EVC: variants seen among roughly 807,000 people sequenced by gnomAD.
EVC encodes EvC ciliary complex subunit 1.
EVC carries 116 observed loss-of-function variants against 118.9 expected under a neutral mutation model. That is an observed-to-expected ratio of 0.98 (90% CI 0.84 to 1.14). EVC has a LOEUF of 1.14. EVC is among the 50% of genes most tolerant of loss of function. The pLI, the probability that EVC is intolerant of heterozygous loss-of-function variation, is 0.00. For synonymous variants in EVC, 619 were observed against 534.7 expected, an observed-to-expected ratio of 1.16 and a Z score of -2.18; for missense variants, 1,401 against 1,246.4, an observed-to-expected ratio of 1.12 and a Z score of -1.87.
chr4:5,752,818 G>A lies in EVC; in HGVS notation c.1099-18G>A, dbSNP rs766117986. ...CCCAGGACACCCCAGCTATGGTCCT[G>A]TGTGTTTCTTTTTGCAGGACGCCCT... On this transcript the variant is annotated intron_variant, in intron 8 of 20. Coordinates refer to ENST00000264956, the MANE Select transcript of EVC (RefSeq NM_153717.3). 64 of 1,613,542 alleles carry A rather than the reference G, an allele frequency of 4.0e-5. No individual in the cohort carries two copies. Among genetic ancestry groups the A allele is most frequent in the Non-Finnish European group, 4.8e-5 (57 of 1,179,542 alleles).
Position 5,753,006 on chromosome 4 carries a change from G to A in EVC, c.1269G>A (p.Thr423=), listed in dbSNP as rs551881521. The part of the protein sequence containing the change: ...LSGRQKEELL[T]QQHKAFWQEA... ...GGCGGCAGAAGGAGGAGCTGCTCAC[G>A]CAGCAGCACAAGGCCTTCTGGCAGG... Residue 423 remains threonine (T), a synonymous_variant, in exon 9 of 21, where the codon ACG becomes ACA. Transcript: ENST00000264956. 433 of 1,612,210 alleles carry A rather than the reference G, an allele frequency of 2.7e-4. 3 individuals are homozygous for A. In the South Asian group the frequency reaches 3.9e-3, roughly 14 times the overall value.
At chr4:5,717,861 G>C (rs549790341) in intron 1 of EVC, among the ~76,000 whole-genome samples, 1 of 152,306 alleles carries the variant, frequency 6.6e-6, no homozygotes, top group African/African-American at 2.4e-5. Flanking sequence ...TCCCTGAATT[G>C]CTATGTATTT....
chr4:5,791,218 T>G (rs1712721982), intron 12 of EVC, among the ~76,000 whole-genome samples: 1 of 152,122 alleles, frequency 6.6e-6, no homozygotes, highest in Non-Finnish European at 1.5e-5. Flanking sequence ...TGTGAGAAGG[T>G]GGTCCTGGAA....
chr4:5,735,837 G>A (rs764653199), intron 5 of EVC, among the ~76,000 whole-genome samples: 4 of 152,160 alleles, frequency 2.6e-5, no homozygotes, highest in African/African-American at 7.2e-5. Flanking sequence ...GATTGGCACC[G>A]CCCTGAAAGA....
chr4:5,793,681 G>T lies in EVC; in HGVS notation c.1850G>T (p.Arg617Leu), dbSNP rs771110251. 3 of 1,552,004 alleles carry T rather than the reference G, an allele frequency of 1.9e-6. 1 individual carries two copies. Among genetic ancestry groups the T allele is most frequent in the Non-Finnish European group, 2.6e-6 (3 of 1,147,776 alleles). ...HLREDHEGTI[R>L]GVLGRLGGLT... ...CGGGAGGACCACGAGGGCACCATCC[G>T]CGGCGTCTTGGGCCGACTGGGCGGC... The change falls in exon 13 of 21, where the codon CGC becomes CTC. Residue 617 changes from arginine to leucine, a missense_variant. Physicochemically the swap from Arg to Leu is moderately radical, Grantham distance 102. Transcript: ENST00000264956.
chr4:5,809,990 T>A (rs943113158), intron 19 of EVC, among the ~76,000 whole-genome samples: 13 of 152,134 alleles, frequency 8.5e-5, no homozygotes, highest in Non-Finnish European at 1.9e-4. Context: ...AACACAGAGA[T>A]CTACTGAAAC....
chr4:5,770,653 G>A (rs931589712), intron 11 of EVC, among the ~76,000 whole-genome samples: 8 of 152,136 alleles, frequency 5.3e-5, no homozygotes, highest in African/African-American at 1.9e-4. Context: ...TGTGTCCAGG[G>A]CATAACCCAC....
chr4:5,825,935 C>A, the EVC span: 1 of 482,202 alleles, frequency 2.1e-6, no homozygotes, highest in Non-Finnish European at 3.6e-6. The surrounding 1 kb of genome is among the most constrained non-coding windows in gnomAD (Gnocchi z 4.4). Context: ...CACATACATG[C>A]AGTCATGCAC....
the EVC span, among the ~76,000 whole-genome samples, chr4:5,827,429 T>C: frequency 1.3e-5 from 2 of 152,102 alleles, no homozygotes; most frequent in African/African-American, 4.8e-5. Flanking sequence ...TGCTACACCT[T>C]ATGGAAGCTG....
chr4:5,825,263 C>A, the EVC span: 35 of 985,292 alleles, frequency 3.6e-5, no homozygotes, highest in Non-Finnish European at 4.0e-5. The surrounding 1 kb of genome is among the most constrained non-coding windows in gnomAD (Gnocchi z 4.4). Context: ...TCTTTGTAAA[C>A]CCACATCAGG....
chr4:5,793,837 A>T, intron 13 of EVC, 120 bp downstream of exon 13: 1 of 771,946 alleles, frequency 1.3e-6, no homozygotes, highest in South Asian at 1.5e-5. Context: ...TTGAATGTAA[A>T]TGACTTAACG....
intron 2 of EVC, among the ~76,000 whole-genome samples, chr4:5,728,963 C>A (rs537160360): frequency 6.6e-6 from 1 of 152,070 alleles, no homozygotes; most frequent in African/African-American, 2.4e-5. Flanking sequence ...TTTTCATCCA[C>A]CCATCTATCT....
At position 5,755,162 on chromosome 4, in the gene EVC, A is replaced by G. The variant is rs753673158; in HGVS notation, c.1465-1102A>G. 5.9e-5 allele frequency among the ~76,000 whole-genome samples: 9 copies of G among 152,170 alleles called. No homozygotes were observed. The highest frequency in any genetic ancestry group is 1.3e-4 in the Non-Finnish European group (9 of 68,038). ...GTAGGTTTTTCTATCTTTGAGACCC[A>G]TTTGAAATAAGAGGAAGATAAGGCT... is the stretch of plus-strand genomic sequence containing the variant. On this transcript the variant is annotated intron_variant, in intron 10 of 20. Coordinates refer to ENST00000264956, the MANE Select transcript of EVC (RefSeq NM_153717.3). This position sits in a 1 kb window ranked among gnomAD's most constrained non-coding sequence, Gnocchi z 4.1.
chr4:5,828,558 G>A, the EVC span: 1 of 1,614,222 alleles, frequency 6.2e-7, no homozygotes, highest in Non-Finnish European at 8.5e-7. Context: ...AGCGGCCCAT[G>A]CCCTTGTTGA....
intron 17 of EVC, 23 bp downstream of exon 17, chr4:5,804,864 A>G: frequency 6.3e-7 from 1 of 1,588,680 alleles, no homozygotes; most frequent in Non-Finnish European, 8.6e-7. Flanking sequence ...CTGAGGTCCC[A>G]CGTAGGGCTG....
At position 5,755,573 on chromosome 4, in the gene EVC, C is replaced by G. The variant is rs963596162; in HGVS notation, c.1465-691C>G. Among the ~76,000 whole-genome samples, 1 of 152,178 alleles carries G rather than the reference C, an allele frequency of 6.6e-6. No homozygotes were observed. The highest frequency in any genetic ancestry group is 6.5e-5 in the Admixed American group (1 of 15,282). On this transcript the variant is annotated intron_variant, in intron 10 of 20. Coordinates refer to ENST00000264956, the MANE Select transcript of EVC (RefSeq NM_153717.3). The surrounding 1 kb of genome is among the most constrained non-coding windows in gnomAD (Gnocchi z 4.1). Reference sequence around the variant, plus strand: ...ACCAAAGATCTTAGGGGGTTTACCTCCTGGTCTCTGCTGCTGCTCGCTGAG... The same window carrying G: ...ACCAAAGATCTTAGGGGGTTTACCTGCTGGTCTCTGCTGCTGCTCGCTGAG...
rs1276119762 is a variant in EVC at position 5,749,876 on chromosome 4, C to G, written c.1098+1570C>G. Among the ~76,000 whole-genome samples, 1 of 152,314 alleles carries G rather than the reference C, an allele frequency of 6.6e-6. No homozygotes were observed. The highest frequency in any genetic ancestry group is 2.1e-4 in the South Asian group (1 of 4,824). On this transcript the variant is annotated intron_variant, in intron 8 of 20. Transcript: ENST00000264956. This position sits in a 1 kb window ranked among gnomAD's most constrained non-coding sequence, Gnocchi z 4.4. ...CACCACATGCCTCTCCCAATCCGCT[C>G]TGCTCCTCCAGGTGTGATCCACAGA...
downstream of EVC, among the ~76,000 whole-genome samples, chr4:5,816,643 T>TCTCCCTTCCCTCCCTCCTTCCCCTCC: frequency 9.1e-6 from 1 of 110,238 alleles, no homozygotes; most frequent in Non-Finnish European, 1.8e-5. Context: ...CCTTCCCCTC[T>TCTCCCTTCCCTCCCTCCTTCCCCTCC]CTCCCTTCCC....
At chr4:5,780,270 C>A (rs1735382008) in intron 11 of EVC, among the ~76,000 whole-genome samples, 1 of 152,120 alleles carries the variant, frequency 6.6e-6, no homozygotes, top group South Asian at 2.1e-4. Flanking sequence ...TTGAGCACAG[C>A]AAGTATGAGC....
Sources: allele counts gnomAD v4.1 joint callset (sites outside exome capture counted in the v4.1 genomes callset), GRCh38; gene constraint gnomAD v4.1.1; non-coding constraint Gnocchi (gnomAD v3.1); transcripts MANE v1.5; gene names NCBI Gene and HGNC (gene_info 2026-07-23, HGNC 2026-07-21).